The following KREMEN1 variants were observed in gnomAD, a reference collection of about 807,000 sequenced individuals.
KREMEN1 encodes the protein kremen protein 1.
In KREMEN1, 30 loss-of-function variants were observed where a neutral mutation model predicts 46.5. The ratio of observed to expected loss-of-function variants is 0.65; its 90% confidence interval spans 0.48 to 0.88. KREMEN1 has a LOEUF of 0.88. Ranked by LOEUF, KREMEN1 falls within the 40% of genes least tolerant of loss-of-function variation. The pLI is 0.00. For missense variants in KREMEN1, 533 were observed against 596.9 expected, an observed-to-expected ratio of 0.89 and a Z score of 1.11; for synonymous variants, 214 against 230.6, an observed-to-expected ratio of 0.93 and a Z score of 0.65.
intron 3 of KREMEN1, among the ~76,000 whole-genome samples, chr22:29,101,681 C>G (rs1462934685): frequency 1.3e-5 from 2 of 152,148 alleles, no homozygotes; most frequent in African/African-American, 4.8e-5. Flanking sequence ...GAAGTACTTA[C>G]CATTATGTTA....
Position 29,143,098 on chromosome 22 carries a change from C to T in KREMEN1, c.*986C>T, listed in dbSNP as rs183523521. 46 of 705,076 alleles carry T rather than the reference C, an allele frequency of 6.5e-5. No individual in the cohort carries two copies. Among genetic ancestry groups the T allele is most frequent in the Admixed American group, 3.1e-4 (5 of 15,884 alleles). 43.7% of individuals were successfully genotyped at this position (705,076 alleles called of 1,614,324 possible). On this transcript the variant is annotated 3_prime_UTR_variant, in exon 9 of 9. Coordinates refer to ENST00000400335, the MANE Select transcript of KREMEN1 (RefSeq NM_001039570.3). ...CCAGGAGGCTGAGATTGCAGTGAGC[C>T]GAGATCGCACCACTGCACTCCAGCC...
At chr22:29,130,123 G>A (rs766300492) in intron 5 of KREMEN1, among the ~76,000 whole-genome samples, 9 of 152,174 alleles carry the variant, frequency 5.9e-5, no homozygotes, top group Non-Finnish European at 1.0e-4. Context: ...CTTTACATGC[G>A]TTGTCTCCCT....
Position 29,131,720 on chromosome 22 carries a change from A to G in KREMEN1, c.632-5622A>G, listed in dbSNP as rs183049941. ...TATGTGTATATATATGTATATATGT[A>G]TATATATGTATATATGTGTATATAT... is the stretch of plus-strand genomic sequence containing the variant. On this transcript the variant is annotated intron_variant, in intron 5 of 8. Coordinates refer to ENST00000400335, the MANE Select transcript of KREMEN1 (RefSeq NM_001039570.3). 1.7e-3 allele frequency among the ~76,000 whole-genome samples: 229 copies of G among 136,098 alleles called. 2 individuals are homozygous for G. The highest frequency in any genetic ancestry group is 3.9e-3 in the East Asian group (19 of 4,842). 89.3% of individuals were successfully genotyped at this position (136,098 alleles called of 152,430 possible).
chr22:29,131,556 ATATATGTGTGTG>A (rs1377978818), intron 5 of KREMEN1, among the ~76,000 whole-genome samples: 63 of 72,058 alleles, frequency 8.7e-4, no homozygotes, highest in African/African-American at 2.8e-3. Flanking sequence ...ATATATATAT[ATATATGTGTGTG>A]TGTGTGTGTG....
intron 1 of KREMEN1, among the ~76,000 whole-genome samples, chr22:29,085,970 C>CAAA (rs134633): frequency 1.1e-4 from 15 of 140,954 alleles, no homozygotes; most frequent in South Asian, 8.9e-4. Context: ...TACCCTGTCT[C>CAAA]AAAAAAAAAA....
rs1030786556 is a variant in KREMEN1, at chr22:29,142,121, C to G, written c.*9C>G. The G allele has an allele frequency of 9.5e-6, 15 of 1,586,230 alleles. No homozygotes were observed. The highest frequency in any genetic ancestry group is 1.8e-5 in the Admixed American group (1 of 56,104). On this transcript the variant is annotated 3_prime_UTR_variant, in exon 9 of 9. Transcript: ENST00000400335. ...CCCTTGTGAGTGACTAAAAACCCCA[C>G]TGTGCCTAGGACTTGAGGTCCCTCT...
In KREMEN1 at chr22:29,146,741, G is replaced by A; in HGVS notation, c.*4629G>A. 4 of 931,574 alleles carry A rather than the reference G, an allele frequency of 4.3e-6. No homozygotes were observed. The highest frequency in any genetic ancestry group is 5.1e-6 in the Non-Finnish European group (4 of 780,604). 57.7% of individuals were successfully genotyped at this position (931,574 alleles called of 1,614,324 possible). Reference sequence around the variant, plus strand: ...GTTTTGTTATTTAAGAAAATGGAATGTAATGGTACTTTTACAAACGAGAAA... The same window carrying A: ...GTTTTGTTATTTAAGAAAATGGAATATAATGGTACTTTTACAAACGAGAAA... On this transcript the variant is annotated 3_prime_UTR_variant, in exon 9 of 9. Transcript: ENST00000400335.
chr22:29,099,161 A>T, intron 3 of KREMEN1: 1 of 525,874 alleles, frequency 1.9e-6, no homozygotes, highest in African/African-American at 1.9e-5. Context: ...CCTCATTCTA[A>T]AGGTATTCCC....
intron 3 of KREMEN1, among the ~76,000 whole-genome samples, chr22:29,120,456 GA>G: frequency 8.8e-6 from 1 of 113,160 alleles, no homozygotes; most frequent in South Asian, 3.8e-4. Context: ...AAACAGGGAG[GA>G]GGGAGACGTG....
intron 4 of KREMEN1, among the ~76,000 whole-genome samples, chr22:29,123,655 G>C (rs919532427): frequency 6.6e-6 from 1 of 152,154 alleles, no homozygotes; most frequent in African/African-American, 2.4e-5. Flanking sequence ...AGCTGGGCGT[G>C]GTAGCACACC....
chr22:29,133,248 A>AG (rs1474067322), intron 5 of KREMEN1, among the ~76,000 whole-genome samples: 3 of 7,656 alleles, frequency 3.9e-4, no homozygotes, highest in Non-Finnish European at 6.9e-3. Flanking sequence ...ACTCCATCTC[A>AG]AAAAAAAAAA....
rs375501568 is a variant in KREMEN1 at position 29,094,301 on chromosome 22, C to T, written c.141C>T (p.Asn47=). The T allele has an allele frequency of 6.2e-7, 1 of 1,613,764 alleles. No individual in the cohort carries two copies. The change falls in exon 2 of 9, where the codon AAC becomes AAT. Residue 47 remains asparagine, a synonymous_variant. Transcript: ENST00000400335. The part of the protein sequence containing the change: ...ANGADYRGTQ[N]WTALQGGKPC... ...GTGCGGATTATAGGGGAACACAGAACTGGACAGCACTACAAGGCGGGAAGC... is the reference window on the plus strand; with the variant it reads ...GTGCGGATTATAGGGGAACACAGAATTGGACAGCACTACAAGGCGGGAAGC...
At position 29,137,592 on chromosome 22, in the gene KREMEN1, C is replaced by T. The variant is rs879180896; in HGVS notation, c.882C>T (p.Phe294=). The change falls in exon 6 of 9, where the codon TTC becomes TTT. Residue 294 remains phenylalanine (F), a synonymous_variant. Transcript: ENST00000400335. ...FHGRSRPPLS[F]NVSLDFVILY... ...GGAGGAGCCGCCCACCTCTGTCCTT[C>T]AACGTCTCTCTGGACTTCGTCATCT... 6.2e-7 allele frequency: 1 copy of T among 1,613,524 alleles called. No homozygotes were observed. The highest frequency in any genetic ancestry group is 8.5e-7 in the Non-Finnish European group (1 of 1,179,446).
At chr22:29,094,452 A>C in intron 2 of KREMEN1, 32 bp downstream of exon 2, 1 of 1,579,430 alleles carries the variant, frequency 6.3e-7, no homozygotes, top group Non-Finnish European at 8.6e-7. Context: ...CTTTAAAAAG[A>C]TAGATATATA....
chr22:29,137,222 A>G (rs34898858), intron 5 of KREMEN1, 120 bp from the exon 6 acceptor site: 106,313 of 642,558 alleles, frequency 0.17, 9,530 homozygotes, highest in Non-Finnish European at 0.18. Context: ...GGTTTTACAG[A>G]TAGAAACAAT....
At chr22:29,140,958 G>A (rs1044352635) in intron 8 of KREMEN1, among the ~76,000 whole-genome samples, 7 of 152,140 alleles carry the variant, frequency 4.6e-5, no homozygotes, top group Non-Finnish European at 5.9e-5. Context: ...AGGGGAGCTC[G>A]TTCTAATTTT....
chr22:29,116,188 C>T (rs1378813045), intron 3 of KREMEN1, among the ~76,000 whole-genome samples: 2 of 152,156 alleles, frequency 1.3e-5, no homozygotes, highest in East Asian at 3.8e-4. Flanking sequence ...AAAGATTATT[C>T]TGGTTGCAGT....
At chr22:29,165,882 C>T (rs2039049033) in intron 9 of KREMEN1, among the ~76,000 whole-genome samples, 1 of 152,164 alleles carries the variant, frequency 6.6e-6, no homozygotes, top group African/African-American at 2.4e-5. Context: ...GGAGCTTAGG[C>T]CCTGGGAGGG....
At chr22:29,160,963 G>T (rs2039005007) in intron 9 of KREMEN1, among the ~76,000 whole-genome samples, 1 of 148,714 alleles carries the variant, frequency 6.7e-6, no homozygotes, top group African/African-American at 2.4e-5. Context: ...GGATAAACAG[G>T]ATCAGTAAAC....
Sources: gnomAD v4.1 joint callset for allele counts (sites outside exome capture counted in the v4.1 genomes callset) on GRCh38, gnomAD v4.1.1 for gene constraint, MANE v1.5 for transcripts, NCBI Gene and HGNC (gene_info 2026-07-23, HGNC 2026-07-21) for gene names.